The following SUPT6H variants were observed in gnomAD, a reference collection of about 807,000 sequenced individuals.
SUPT6H encodes transcription elongation factor SPT6.
In SUPT6H, 11 loss-of-function variants were observed where a neutral mutation model predicts 222.3. The observed-to-expected ratio is 0.05, with a 90% CI of 0.03 to 0.08. SUPT6H has a LOEUF of 0.08. SUPT6H is among the 10% of genes least tolerant of loss of function. SUPT6H has a pLI of 1.00. For synonymous variants in SUPT6H, 762 were observed against 801.2 expected (o/e 0.95, Z 0.83); for missense variants, 1,422 against 2,216.0 (o/e 0.64, Z 7.19).
chr17:28,664,866 C>A (rs981062290), intron 1 of SUPT6H, among the ~76,000 whole-genome samples: 3 of 152,192 alleles, frequency 2.0e-5, no homozygotes, highest in Non-Finnish European at 2.9e-5. Flanking sequence ...CTTTACTACT[C>A]CTCTTCCCCA....
intron 18 of SUPT6H, 55 bp downstream of exon 18, chr17:28,684,780 T>G: frequency 6.2e-7 from 1 of 1,612,980 alleles, no homozygotes; most frequent in Non-Finnish European, 8.5e-7. Context: ...TAATTTCATT[T>G]TTCTCTCATT....
chr17:28,680,261 G>T (rs1347736090), intron 11 of SUPT6H, among the ~76,000 whole-genome samples: 7 of 150,842 alleles, frequency 4.6e-5, no homozygotes, highest in Non-Finnish European at 1.0e-4. Context: ...AGCCGAGATC[G>T]TGCCATTGCA....
chr17:28,678,813 C>A lies in SUPT6H; in HGVS notation c.1207-8C>A. On this transcript the variant is annotated splice_polypyrimidine_tract_variant and splice_region_variant and intron_variant, in intron 10 of 36. Coordinates refer to ENST00000314616, the MANE Select transcript of SUPT6H (RefSeq NM_003170.5). ...ACAAGCTCTCATTCCTGCCCTACTT[C>A]ACCTTAGTGGACCCAGCTGCGGATC... 2 of 1,614,196 alleles carry A rather than the reference C, an allele frequency of 1.2e-6. No individual in the cohort carries two copies. Among genetic ancestry groups the A allele is most frequent in the South Asian group, 2.2e-5 (2 of 91,080 alleles).
In SUPT6H at chr17:28,678,608, T is replaced by C. The variant is rs1244652257; in HGVS notation, c.1180T>C (p.Trp394Arg). 1.2e-6 allele frequency: 2 copies of C among 1,614,024 alleles called. No homozygotes were observed. The highest frequency in any genetic ancestry group is 2.2e-5 in the East Asian group (1 of 44,896). The change falls in exon 10 of 37, where the codon TGG (tryptophan) becomes CGG (arginine). Residue 394 changes from tryptophan to arginine, a missense_variant. Trp to Arg is a moderately radical substitution (Grantham distance 101). This residue lies in a region of SUPT6H where 389 missense variants were observed against 544.6 expected (regional missense o/e 0.71). Coordinates refer to ENST00000314616, the MANE Select transcript of SUPT6H (RefSeq NM_003170.5). ...GCCTGAGTTGCACATCAATGACCTA[T>C]GGAGAGTCTGGCAGTGGGATGAAAA... ...VEPELHINDLWRVWQWDEKWT... is the reference protein window; with the variant it reads ...VEPELHINDLRRVWQWDEKWT...
chr17:28,680,704 C>T (rs1243170269), intron 11 of SUPT6H, among the ~76,000 whole-genome samples: 7 of 152,236 alleles, frequency 4.6e-5, no homozygotes, highest in African/African-American at 1.7e-4. Context: ...CAGGTTGGAG[C>T]GCAGTGGCAC....
Position 28,688,192 on chromosome 17 carries a change from G to A in SUPT6H, c.3108G>A (p.Lys1036=), listed in dbSNP as rs2151644315. The A allele has an allele frequency of 1.2e-6, 2 of 1,613,676 alleles. No individual in the cohort carries two copies. Among genetic ancestry groups the A allele is most frequent in the Non-Finnish European group, 1.7e-6 (2 of 1,179,806 alleles). The stretch of plus-strand genomic sequence containing the variant: ...TCATGAATTGTGCTGGCTTCCTCAA[G>A]ATCGACACGGCCTCCCTGGGGGACA... ...KVFMNCAGFL[K]IDTASLGDST... is the part of the protein sequence containing the mutation. The change falls in exon 24 of 37, where the codon AAG becomes AAA. Residue 1036 remains lysine (K), a synonymous_variant. Transcript: ENST00000314616. This position sits in a 1 kb window ranked among gnomAD's most constrained non-coding sequence, Gnocchi z 4.3.
intron 11 of SUPT6H, among the ~76,000 whole-genome samples, chr17:28,680,893 C>T (rs535173970): frequency 4.6e-5 from 7 of 152,304 alleles, no homozygotes; most frequent in Admixed American, 2.6e-4. Flanking sequence ...GCGATCCCTC[C>T]GCCTTGGCCT....
At chr17:28,690,880 A>T (rs1354333110) in intron 26 of SUPT6H, 41 bp from the exon 27 acceptor site, 1 of 1,598,800 alleles carries the variant, frequency 6.3e-7, no homozygotes, top group Admixed American at 1.7e-5. Context: ...TGCTCTCCAC[A>T]TTCTCTGAGC....
At position 28,701,083 on chromosome 17, in the gene SUPT6H, A is replaced by C; in HGVS notation, c.4949A>C (p.Gln1650Pro). The C allele has an allele frequency of 6.2e-7, 1 of 1,613,314 alleles. No homozygotes were observed. The highest frequency in any genetic ancestry group is 8.5e-7 in the Non-Finnish European group (1 of 1,179,828). ...ACCACCCCACAGTCGGCCCAGGCCC[A>C]GCCCCAGCCCTCTTCCAGCTCCCGG... ...ASTTPQSAQA[Q>P]PQPSSSSRQR... Residue 1650 changes from glutamine to proline, a missense_variant, in exon 36 of 37, where the codon CAG (glutamine) becomes CCG (proline). Gln to Pro is a moderately conservative substitution (Grantham distance 76). Around this residue, in one of 13 missense-constraint regions of SUPT6H, gnomAD observed 395 missense variants for 580.6 expected, o/e 0.68. Coordinates refer to ENST00000314616, the MANE Select transcript of SUPT6H (RefSeq NM_003170.5).
rs2031496451 is a variant in SUPT6H at position 28,688,398 on chromosome 17, C to G, written c.3134+180C>G. The G allele has an allele frequency of 1.7e-6, 1 of 591,270 alleles. No homozygotes were observed. Among genetic ancestry groups the G allele is most frequent in the African/African-American group, 1.9e-5 (1 of 52,112 alleles). 36.6% of individuals were successfully genotyped at this position (591,270 alleles called of 1,614,324 possible). ...GACCTATGGAAAAGATCGGTTCAAT[C>G]ATGTGAAACATTTTTCGTGTGAGAG... is the stretch of plus-strand genomic sequence containing the variant. On this transcript the variant is annotated intron_variant, in intron 24 of 36. Coordinates refer to ENST00000314616, the MANE Select transcript of SUPT6H (RefSeq NM_003170.5). This position sits in a 1 kb window ranked among gnomAD's most constrained non-coding sequence, Gnocchi z 4.3.
rs781449462 is a variant in SUPT6H at position 28,701,589 on chromosome 17, C to T, written c.5145C>T (p.Gly1715=). The T allele has an allele frequency of 3.6e-5, 58 of 1,613,348 alleles. No individual in the cohort carries two copies. The highest frequency in any genetic ancestry group is 3.3e-4 in the Middle Eastern group (2 of 6,080). Reference sequence around the variant, plus strand: ...AAAGCACCCCCATGTCCATTGCTGGCGATGCCACCCCACTCCTGGACGAGA... The same window carrying T: ...AAAGCACCCCCATGTCCATTGCTGGTGATGCCACCCCACTCCTGGACGAGA... ...MIESTPMSIA[G]DATPLLDEMD... is the part of the protein sequence containing the mutation. Residue 1715 remains glycine, a synonymous_variant, in exon 37 of 37, where the codon GGC becomes GGT. Coordinates refer to ENST00000314616, the MANE Select transcript of SUPT6H (RefSeq NM_003170.5).
Position 28,687,316 on chromosome 17 carries a change from A to G in SUPT6H, c.2851A>G (p.Lys951Glu). 2 of 1,614,176 alleles carry G rather than the reference A, an allele frequency of 1.2e-6. No individual in the cohort carries two copies. Among genetic ancestry groups the G allele is most frequent in the African/African-American group, 2.7e-5 (2 of 75,034 alleles). Residue 951 changes from lysine to glutamate, a missense_variant, in exon 23 of 37, where the codon AAA becomes GAA. This residue lies in a region of SUPT6H where 294 missense variants were observed against 382.1 expected (regional missense o/e 0.77). Coordinates refer to ENST00000314616, the MANE Select transcript of SUPT6H (RefSeq NM_003170.5). Reference sequence around the variant, plus strand: ...TGAATGTCCACAGGAGCATGTGGTGAAAGAGGAGCTGCTCAACGCCTTGTA... The same window carrying G: ...TGAATGTCCACAGGAGCATGTGGTGGAAGAGGAGCTGCTCAACGCCTTGTA... Reference protein sequence around the residue: ...KFHPLQEHVVKEELLNALYCE... With the variant: ...KFHPLQEHVVEEELLNALYCE...
chr17:28,697,544 T>G, intron 30 of SUPT6H, 76 bp from the exon 31 acceptor site: 1 of 1,266,834 alleles, frequency 7.9e-7, no homozygotes, highest in Non-Finnish European at 1.1e-6. Context: ...CCTCCCATGG[T>G]TTTTCTTCTG....
chr17:28,673,725 A>G, intron 2 of SUPT6H: 1 of 533,618 alleles, frequency 1.9e-6, no homozygotes, highest in Non-Finnish European at 3.3e-6. Context: ...ATAAATATCC[A>G]GCTATTGTGG....
In SUPT6H at chr17:28,675,098, G is replaced by A. The variant is rs1385901589; in HGVS notation, c.474G>A (p.Gly158=). ...EIFQDGEGEE[G]QEAMEAPMAP... ...TCCAGGATGGGGAAGGGGAAGAAGG[G>A]CAGGAGGCCATGGAGGCCCCCATGG... The change falls in exon 5 of 37, where the codon GGG becomes GGA. Residue 158 remains glycine, a synonymous_variant. Transcript: ENST00000314616. 4 of 1,613,960 alleles carry A rather than the reference G, an allele frequency of 2.5e-6. No individual in the cohort carries two copies. Among genetic ancestry groups the A allele is most frequent in the African/African-American group, 1.3e-5 (1 of 74,904 alleles).
rs2151662965 is a variant in SUPT6H, at chr17:28,696,918, A to G, written c.4045A>G (p.Thr1349Ala). ...CAAGCAAGCAGAAAAGATGATGGAG[A>G]CCATGGACCAGGGTGATGTGATTAT... is the stretch of plus-strand genomic sequence containing the variant. ...NFKQAEKMME[T>A]MDQGDVIIRP... The change falls in exon 30 of 37, where the codon ACC becomes GCC. Residue 1349 changes from threonine (T) to alanine (A), a missense_variant. This residue lies in a region of SUPT6H where 395 missense variants were observed against 580.6 expected (regional missense o/e 0.68). Transcript: ENST00000314616. 1 of 1,613,956 alleles carries G rather than the reference A, an allele frequency of 6.2e-7. No individual in the cohort carries two copies. Among genetic ancestry groups the G allele is most frequent in the Non-Finnish European group, 8.5e-7 (1 of 1,180,004 alleles).
chr17:28,680,960 A>G (rs113040047), intron 11 of SUPT6H, among the ~76,000 whole-genome samples: 3 of 152,210 alleles, frequency 2.0e-5, no homozygotes, highest in South Asian at 2.1e-4. Context: ...GTCTTTAAAA[A>G]AGAAAAAAAG....
rs2031493104 is a variant in SUPT6H, at chr17:28,688,311, C to T, written c.3134+93C>T. 7.0e-7 allele frequency: 1 copy of T among 1,420,962 alleles called. No individual in the cohort carries two copies. The highest frequency in any genetic ancestry group is 9.4e-7 in the Non-Finnish European group (1 of 1,068,306). 88.0% of individuals were successfully genotyped at this position (1,420,962 alleles called of 1,614,324 possible). A position where few individuals can be genotyped will look rare whatever the true frequency, so the allele number is the denominator to read the frequency against. ...TTAGGGCTATCAAAGGGCCACAAGCCATTTTAACTTAGGAAATGTTTTAAA... is the reference window on the plus strand; with the variant it reads ...TTAGGGCTATCAAAGGGCCACAAGCTATTTTAACTTAGGAAATGTTTTAAA... On this transcript the variant is annotated intron_variant, in intron 24 of 36. Transcript: ENST00000314616. The surrounding 1 kb of genome is among the most constrained non-coding windows in gnomAD (Gnocchi z 4.3).
At chr17:28,681,145 G>A (rs184217006) in intron 11 of SUPT6H, 111 bp from the exon 12 acceptor site, 16,093 of 1,144,832 alleles carry the variant, frequency 0.014, 149 homozygotes, top group Middle Eastern at 0.022. Context: ...AACTGGTTGG[G>A]ATCCCATTTT....
Sources: allele counts gnomAD v4.1 joint callset (sites outside exome capture counted in the v4.1 genomes callset), GRCh38; gene constraint gnomAD v4.1.1; regional missense constraint gnomAD v4.1.1; non-coding constraint Gnocchi (gnomAD v3.1); transcripts MANE v1.5; gene names NCBI Gene and HGNC (gene_info 2026-07-23, HGNC 2026-07-21).